The following C10orf90 variants were observed in gnomAD, a reference collection of about 807,000 sequenced individuals.
The protein encoded by C10orf90 is chromosome 10 open reading frame 90.
C10orf90 carries 56 observed loss-of-function variants against 62.5 expected under a neutral mutation model. The observed-to-expected ratio is 0.90, with a 90% CI of 0.72 to 1.12. C10orf90 has a LOEUF of 1.12. C10orf90 is among the 50% of genes most tolerant of loss of function. C10orf90 has a pLI of 0.00. For synonymous variants in C10orf90, 386 were observed against 340.4 expected, an observed-to-expected ratio of 1.13 and a Z score of -1.47; for missense variants, 970 against 880.4, an observed-to-expected ratio of 1.10 and a Z score of -1.29.
At chr10:126,575,381 C>T (rs1844588682) in intron 2 of C10orf90, among the ~76,000 whole-genome samples, 2 of 151,658 alleles carry the variant, frequency 1.3e-5, no homozygotes, top group South Asian at 4.2e-4. Context: ...AGTGAAAGAC[C>T]TCTGCAAGGA....
At chr10:126,545,720 G>A (rs895684718) in intron 2 of C10orf90, among the ~76,000 whole-genome samples, 3 of 152,004 alleles carry the variant, frequency 2.0e-5, no homozygotes, top group Admixed American at 6.6e-5. Context: ...TTTTCACACC[G>A]TCAGCATGGA....
intron 1 of C10orf90, among the ~76,000 whole-genome samples, chr10:126,651,446 T>C (rs1003287430): frequency 6.6e-6 from 1 of 152,188 alleles, no homozygotes; most frequent in Non-Finnish European, 1.5e-5. Context: ...CCTGCTGGAG[T>C]TATTGCACAA....
chr10:126,510,417 T>C (rs1863033272), intron 3 of C10orf90, among the ~76,000 whole-genome samples: 1 of 152,258 alleles, frequency 6.6e-6, no homozygotes, highest in African/African-American at 2.4e-5. Flanking sequence ...CAAATTAAGC[T>C]GTTTCAGGGT....
intron 2 of C10orf90, among the ~76,000 whole-genome samples, chr10:126,558,134 G>C (rs1864820549): frequency 1.3e-5 from 2 of 152,186 alleles, no homozygotes; most frequent in South Asian, 4.2e-4. Flanking sequence ...TCTTGCCTCA[G>C]TCCAAGTTCA....
At chr10:126,541,807 C>T (rs1389819964) in intron 2 of C10orf90, among the ~76,000 whole-genome samples, 2 of 152,156 alleles carry the variant, frequency 1.3e-5, no homozygotes, top group Admixed American at 1.3e-4. Context: ...CAAAGAATTA[C>T]CATATGACCA....
chr10:126,524,195 T>A (rs990295062), intron 2 of C10orf90, among the ~76,000 whole-genome samples: 5 of 152,176 alleles, frequency 3.3e-5, no homozygotes, highest in African/African-American at 1.2e-4. Context: ...TCTGGATAGA[T>A]AATTTTGGTA....
At chr10:126,565,021 T>A (rs372570901) in intron 2 of C10orf90, among the ~76,000 whole-genome samples, 31 of 9,192 alleles carry the variant, frequency 3.4e-3, no homozygotes, top group Admixed American at 9.5e-3. Flanking sequence ...ATAATATATA[T>A]TATATATTAT....
chr10:126,587,033 G>A (rs1324865762), intron 2 of C10orf90, among the ~76,000 whole-genome samples: 2 of 152,082 alleles, frequency 1.3e-5, no homozygotes, highest in East Asian at 3.9e-4. Context: ...TCCATTTTTA[G>A]TCACGCCATT....
At chr10:126,442,633 GTATATATATATATATATATATATA>G (rs56368633) in intron 7 of C10orf90, among the ~76,000 whole-genome samples, 171 of 88,458 alleles carry the variant, frequency 1.9e-3, no homozygotes, top group African/African-American at 5.5e-3. Flanking sequence ...TTGTGTGTGT[GTATATATATATATATATATATATA>G]TATATATATA....
intron 2 of C10orf90, among the ~76,000 whole-genome samples, chr10:126,525,071 C>T (rs1467880150): frequency 6.6e-6 from 1 of 152,222 alleles, no homozygotes; most frequent in Non-Finnish European, 1.5e-5. Flanking sequence ...GCCACCCCAG[C>T]TTCCCCCTAA....
At chr10:126,524,575 T>G (rs1186667464) in intron 2 of C10orf90, 1 of 953,672 alleles carries the variant, frequency 1.0e-6, no homozygotes, top group African/African-American at 1.8e-5. Flanking sequence ...GATGAAAAGT[T>G]TGTCCCCATT....
chr10:126,564,250 G>T (rs1030300788), intron 2 of C10orf90, among the ~76,000 whole-genome samples: 2 of 152,010 alleles, frequency 1.3e-5, no homozygotes, highest in Non-Finnish European at 2.9e-5. Flanking sequence ...GTCTCTGTGG[G>T]CTTTGTAACC....
intron 4 of C10orf90, among the ~76,000 whole-genome samples, chr10:126,481,149 T>C (rs1861142855): frequency 6.6e-6 from 1 of 152,198 alleles, no homozygotes; most frequent in Non-Finnish European, 1.5e-5. Context: ...CATCTGCAGA[T>C]CTTGGCTGAA....
At chr10:126,648,953 C>A (rs1564908931) in intron 1 of C10orf90, among the ~76,000 whole-genome samples, 1 of 151,974 alleles carries the variant, frequency 6.6e-6, no homozygotes, top group Middle Eastern at 3.4e-3. Flanking sequence ...TAGTCAAGAG[C>A]CCCAGCCTTG....
intron 1 of C10orf90, among the ~76,000 whole-genome samples, chr10:126,649,358 G>A (rs1350972864): frequency 6.6e-6 from 1 of 151,904 alleles, no homozygotes; most frequent in Non-Finnish European, 1.5e-5. Flanking sequence ...TTGCCATTAG[G>A]GTAAAGTATG....
chr10:126,665,254 C>CA (rs1356951045), intron 1 of C10orf90, among the ~76,000 whole-genome samples: 1 of 152,152 alleles, frequency 6.6e-6, no homozygotes, highest in Non-Finnish European at 1.5e-5. Flanking sequence ...GCCGGGACTT[C>CA]AGGGGGAAAG....
rs574618146 is a variant in C10orf90 at position 126,519,625 on chromosome 10, C to T, written c.314-5686G>A. On this transcript the variant is annotated intron_variant, in intron 2 of 9. Transcript: ENST00000488181. ...TTCACCATCCTTTTAAAAATACTCT[C>T]TGTTAATATTTTAAAACAGATGTTT... Among the ~76,000 whole-genome samples the T allele has an allele frequency of 1.4e-4, 21 of 152,284 alleles. 1 individual carries two copies. The highest frequency in any genetic ancestry group is 5.1e-4 in the African/African-American group (21 of 41,566).
chr10:126,485,759 T>C (rs993499503), intron 4 of C10orf90, among the ~76,000 whole-genome samples: 12 of 148,778 alleles, frequency 8.1e-5, no homozygotes, highest in African/African-American at 2.8e-4. Context: ...TCTAACATGG[T>C]GAAACCCTAT....
In C10orf90 at chr10:126,490,027, TA is replaced by T. The variant is rs1564828116; in HGVS notation, c.1534+13929del. On this transcript the variant is annotated intron_variant, in intron 4 of 9. Coordinates refer to ENST00000488181, the MANE Select transcript of C10orf90 (RefSeq NM_001350921.2). ...TATTATATATATTATATATAATATA[TA>T]ATATATAATATATATTATATATTAT... 1.9e-3 allele frequency among the ~76,000 whole-genome samples: 192 copies of T among 100,902 alleles called. 1 individual carries two copies. Among genetic ancestry groups the T allele is most frequent in the African/African-American group, 5.7e-3 (109 of 19,112 alleles). 66.2% of individuals were successfully genotyped at this position (100,902 alleles called of 152,430 possible). A position where few individuals can be genotyped will look rare whatever the true frequency, so the allele number is the denominator to read the frequency against.
Sources: allele counts gnomAD v4.1 joint callset (sites outside exome capture counted in the v4.1 genomes callset), GRCh38; gene constraint gnomAD v4.1.1; transcripts MANE v1.5; gene names NCBI Gene and HGNC (gene_info 2026-07-23, HGNC 2026-07-21).